The following SLC39A11 variants were observed in gnomAD, a reference collection of about 807,000 sequenced individuals.
SLC39A11 encodes the protein zinc transporter ZIP11.
SLC39A11 carries 33 observed loss-of-function variants against 36.1 expected under a neutral mutation model. The ratio of observed to expected loss-of-function variants is 0.91; its 90% CI spans 0.69 to 1.22. The LOEUF is 1.22. Ranked by LOEUF, SLC39A11 falls within the 50% of genes most tolerant of loss-of-function variation. The probability of loss-of-function intolerance (pLI) is 0.00; values close to 1 mark genes in which losing one functional copy is unlikely to be tolerated. For missense variants in SLC39A11, 432 were observed against 430.3 expected (o/e 1.00, Z -0.03); for synonymous variants, 166 against 170.3 (o/e 0.97, Z 0.20).
Position 73,087,106 on chromosome 17 carries a change from T to C in SLC39A11, c.108+1551A>G, listed in dbSNP as rs144727536. On this transcript the variant is annotated intron_variant, in intron 2 of 9. Transcript: ENST00000255559. ...AAAAACCCTGAAACTCTGTACTCAT[T>C]CAAGAATAACTTATTTCTGCCCTCC... Among the ~76,000 whole-genome samples the C allele has an allele frequency of 7.8e-3, 1,183 of 152,208 alleles. 22 individuals carry two copies. The highest frequency in any genetic ancestry group is 0.031 in the Middle Eastern group (9 of 292).
At chr17:72,894,398 G>A (rs1176618963) in intron 5 of SLC39A11, among the ~76,000 whole-genome samples, 5 of 145,024 alleles carry the variant, frequency 3.4e-5, no homozygotes, top group African/African-American at 5.1e-5. Context: ...GGCCAGGGAC[G>A]GTGACTCATG....
At chr17:73,074,548 C>T (rs981476598) in intron 3 of SLC39A11, among the ~76,000 whole-genome samples, 26 of 152,192 alleles carry the variant, frequency 1.7e-4, no homozygotes, top group African/African-American at 6.0e-4. Flanking sequence ...CCACCCACCT[C>T]GGCTTCCCAA....
At chr17:72,940,813 G>GC (rs1236112106) in intron 5 of SLC39A11, among the ~76,000 whole-genome samples, 9 of 152,140 alleles carry the variant, frequency 5.9e-5, no homozygotes, top group Admixed American at 2.0e-4. Flanking sequence ...ATTGTTCAGC[G>GC]CAACTATGGC....
At chr17:72,845,752 C>A (rs1281876835) in intron 6 of SLC39A11, among the ~76,000 whole-genome samples, 1 of 152,108 alleles carries the variant, frequency 6.6e-6, no homozygotes, top group Non-Finnish European at 1.5e-5. Flanking sequence ...AAATAAAAGA[C>A]AAGACTGGGA....
intron 5 of SLC39A11, among the ~76,000 whole-genome samples, chr17:72,904,421 C>A (rs868028148): frequency 6.6e-6 from 1 of 152,178 alleles, no homozygotes; most frequent in African/African-American, 2.4e-5. Context: ...TAAGGAAGAG[C>A]GGCCACAGAC....
rs377358603 is a variant in SLC39A11, at chr17:72,653,293, G to A, written c.672-4025C>T. Reference sequence around the variant, plus strand: ...CTATTTTTTTTTTGTATTTTTAGCAGAGACAGGGTTTCAGAATATTAGCCA... The same window carrying A: ...CTATTTTTTTTTTGTATTTTTAGCAAAGACAGGGTTTCAGAATATTAGCCA... On this transcript the variant is annotated intron_variant, in intron 7 of 9. Coordinates refer to ENST00000255559, the MANE Select transcript of SLC39A11 (RefSeq NM_139177.4). Among the ~76,000 whole-genome samples, 3 of 150,814 alleles carry A rather than the reference G, an allele frequency of 2.0e-5. No homozygotes were observed. In the East Asian group the frequency reaches 5.9e-4, roughly 30 times the overall value.
chr17:72,967,074 C>G (rs1005030795), intron 4 of SLC39A11, among the ~76,000 whole-genome samples: 3 of 152,142 alleles, frequency 2.0e-5, no homozygotes, highest in Non-Finnish European at 4.4e-5. Context: ...TAGATGGGAC[C>G]ACCTCGTTGC....
chr17:72,888,820 T>C (rs2081571710), intron 5 of SLC39A11, among the ~76,000 whole-genome samples: 1 of 152,210 alleles, frequency 6.6e-6, no homozygotes, highest in South Asian at 2.1e-4. Context: ...GAGGATTGCT[T>C]AAGCCCATGA....
chr17:72,936,355 T>A (rs575188407), intron 5 of SLC39A11, among the ~76,000 whole-genome samples: 2 of 149,750 alleles, frequency 1.3e-5, no homozygotes, highest in East Asian at 3.9e-4. Flanking sequence ...ATCCTTGTTT[T>A]GGTGAGACCA....
chr17:72,837,993 A>G (rs2078640843), intron 6 of SLC39A11: 1 of 1,231,388 alleles, frequency 8.1e-7, no homozygotes, highest in East Asian at 3.2e-5. Flanking sequence ...GTATTCAGGA[A>G]TAGTGGTAGG....
chr17:73,032,842 ATATCT>A (rs1423086812), intron 3 of SLC39A11, among the ~76,000 whole-genome samples: 4 of 152,200 alleles, frequency 2.6e-5, no homozygotes, highest in African/African-American at 7.2e-5. Context: ...TTTACATTTG[ATATCT>A]TATCTTTTCA....
chr17:72,861,132 G>A (rs2079959780), intron 5 of SLC39A11, among the ~76,000 whole-genome samples: 1 of 152,146 alleles, frequency 6.6e-6, no homozygotes, highest in Admixed American at 6.5e-5. Context: ...GGCCCATGGT[G>A]GAGGAGAAAA....
chr17:72,661,228 T>C (rs2070402674), intron 7 of SLC39A11, among the ~76,000 whole-genome samples: 1 of 152,194 alleles, frequency 6.6e-6, no homozygotes, highest in South Asian at 2.1e-4. Flanking sequence ...CCTTGTGTTC[T>C]CTGACCATGG....
At chr17:72,878,762 C>A (rs1316950369) in intron 5 of SLC39A11, among the ~76,000 whole-genome samples, 1 of 152,212 alleles carries the variant, frequency 6.6e-6, no homozygotes, top group African/African-American at 2.4e-5. Flanking sequence ...TTTCTCCCCA[C>A]CAACATGGAG....
intron 5 of SLC39A11, among the ~76,000 whole-genome samples, chr17:72,865,066 C>CA (rs34518318): frequency 6.6e-6 from 1 of 151,908 alleles, no homozygotes; most frequent in Non-Finnish European, 1.5e-5. Context: ...ACAGCAACAA[C>CA]AAAAAAATGT....
At chr17:72,826,138 A>C (rs2078019614) in intron 6 of SLC39A11, among the ~76,000 whole-genome samples, 1 of 152,222 alleles carries the variant, frequency 6.6e-6, no homozygotes, top group Non-Finnish European at 1.5e-5. Context: ...AGGCCTGGTG[A>C]GAGGTGACTG....
chr17:72,827,091 T>C lies in SLC39A11; in HGVS notation c.601+22543A>G, dbSNP rs1451606127. Among the ~76,000 whole-genome samples, 7 of 152,314 alleles carry C rather than the reference T, an allele frequency of 4.6e-5. No homozygotes were observed. The East Asian group carries it at 1.2e-3, about 25-fold the overall frequency. ...ATTCATAATAGTCCAACAGTAGATA[T>C]AACCCAAATGCTTATTAACTGATGA... On this transcript the variant is annotated intron_variant, in intron 6 of 9. Coordinates refer to ENST00000255559, the MANE Select transcript of SLC39A11 (RefSeq NM_139177.4).
intron 7 of SLC39A11, among the ~76,000 whole-genome samples, chr17:72,693,275 G>A (rs2072118699): frequency 1.0e-5 from 1 of 100,454 alleles, no homozygotes; most frequent in Admixed American, 1.4e-4. Flanking sequence ...TGCTCCTCAG[G>A]TGCCCCCACT....
intron 5 of SLC39A11, among the ~76,000 whole-genome samples, chr17:72,873,797 C>T (rs2080762859): frequency 6.6e-6 from 1 of 152,130 alleles, no homozygotes; most frequent in African/African-American, 2.4e-5. Context: ...TCCCCACCCC[C>T]ACAACAAATC....
Sources: allele counts gnomAD v4.1 joint callset (sites outside exome capture counted in the v4.1 genomes callset), GRCh38; gene constraint gnomAD v4.1.1; transcripts MANE v1.5; gene names NCBI Gene and HGNC (gene_info 2026-07-23, HGNC 2026-07-21).